The following POLR2B variants were observed in gnomAD, a reference collection of about 807,000 sequenced individuals.
POLR2B encodes the protein RNA polymerase II subunit B.
A neutral mutation model predicts 144.6 loss-of-function variants in POLR2B; 57 were observed. The observed-to-expected ratio is 0.39, with a 90% CI of 0.32 to 0.49. The LOEUF is 0.49. Among genes scored for constraint, POLR2B ranks in the 20% least tolerant of loss-of-function variants. The pLI is 0.83. For missense variants in POLR2B, 595 were observed against 1,467.4 expected (o/e 0.41, Z 9.71); for synonymous variants, 442 against 469.8 (o/e 0.94, Z 0.77).
intron 1 of POLR2B, among the ~76,000 whole-genome samples, chr4:56,984,642 C>T (rs565108293): frequency 5.3e-5 from 8 of 152,258 alleles, no homozygotes; most frequent in Non-Finnish European, 1.0e-4. Context: ...TTATACATAG[C>T]TTTGTCTTTC....
intron 9 of POLR2B, among the ~76,000 whole-genome samples, chr4:57,006,373 C>T (rs1469521076): frequency 2.0e-5 from 3 of 152,124 alleles, no homozygotes; most frequent in Non-Finnish European, 2.9e-5. Context: ...GGTGCCATCT[C>T]GGCTCACTGC....
At chr4:57,021,659 T>G (rs553216798) in intron 17 of POLR2B, among the ~76,000 whole-genome samples, 54 of 151,750 alleles carry the variant, frequency 3.6e-4, no homozygotes, top group East Asian at 1.8e-3. Context: ...AGAGTTTTTT[T>G]TTGTTGTTGT....
chr4:56,994,930 G>GA (rs41560115), intron 5 of POLR2B, 64 bp downstream of exon 5: 8,311 of 725,990 alleles, frequency 0.011, 15 homozygotes, highest in African/African-American at 0.021. Context: ...AAGTTGAAAT[G>GA]AAAAAAAAAA....
intron 7 of POLR2B, among the ~76,000 whole-genome samples, chr4:57,000,684 T>C (rs1351516434): frequency 6.6e-6 from 1 of 151,562 alleles, no homozygotes; most frequent in Non-Finnish European, 1.5e-5. Flanking sequence ...AACATTTTAC[T>C]TAGATACAAT....
At chr4:56,991,455 C>T (rs1288976710) in intron 3 of POLR2B, among the ~76,000 whole-genome samples, 1 of 151,956 alleles carries the variant, frequency 6.6e-6, no homozygotes, top group East Asian at 1.9e-4. Context: ...GGATGTAGTC[C>T]AAAATAATGA....
At chr4:57,000,698 GT>G (rs781134208) in intron 7 of POLR2B, among the ~76,000 whole-genome samples, 7 of 149,964 alleles carry the variant, frequency 4.7e-5, no homozygotes, top group Admixed American at 2.0e-4. Flanking sequence ...ATACAATACT[GT>G]TTTTTTTGGG....
intron 24 of POLR2B, 22 bp downstream of exon 24, chr4:57,030,421 A>C (rs749217903): frequency 9.6e-6 from 15 of 1,555,350 alleles, no homozygotes; most frequent in Non-Finnish European, 1.1e-5. Flanking sequence ...CTTTACTGGC[A>C]GTTGATATTT....
At chr4:57,014,811 C>T in intron 13 of POLR2B, among the ~76,000 whole-genome samples, 1 of 152,094 alleles carries the variant, frequency 6.6e-6, no homozygotes, top group Admixed American at 6.6e-5. Context: ...TCTTTAATAG[C>T]ATATTTTATT....
intron 1 of POLR2B, chr4:56,985,404 G>A: frequency 1.0e-6 from 1 of 985,294 alleles, no homozygotes; most frequent in Non-Finnish European, 1.2e-6. Flanking sequence ...CTGTGGCGAG[G>A]CGGGGATGGC....
intron 16 of POLR2B, among the ~76,000 whole-genome samples, chr4:57,020,362 A>C (rs1018077533): frequency 6.6e-6 from 1 of 152,232 alleles, no homozygotes; most frequent in Middle Eastern, 3.4e-3. Flanking sequence ...GGGCTCATCA[A>C]ACAAAGTGTT....
At position 57,023,946 on chromosome 4, in the gene POLR2B, A is replaced by ATG. The variant is rs747344339; in HGVS notation, c.2857-57_2857-56dup. 45 of 974,332 alleles carry ATG rather than the reference A, an allele frequency of 4.6e-5. No homozygotes were observed. The East Asian group carries it at 4.9e-4, about 11-fold the overall frequency. The allele number at this position is 974,332 out of a possible 1,614,324, so 60.4% of individuals were successfully genotyped here. A position where few individuals can be genotyped will look rare whatever the true frequency, so the allele number is the denominator to read the frequency against. The stretch of plus-strand genomic sequence containing the variant: ...CAGTAATTCAGTTGGGAGAACTGAA[A>ATG]TGTCAGTTCTAGTTTAGTATATGTA... On this transcript the variant is annotated intron_variant, in intron 20 of 24. Transcript: ENST00000314595. This position sits in a 1 kb window ranked among gnomAD's most constrained non-coding sequence, Gnocchi z 4.3.
In POLR2B at chr4:57,031,084, T is replaced by C; in HGVS notation, c.*96T>C. ...ATGACAAATATGTACTGTGTTGTGA[T>C]AAAAAGTATTTTATTTGTTTAATGA... On this transcript the variant is annotated 3_prime_UTR_variant, in exon 25 of 25. Coordinates refer to ENST00000314595, the MANE Select transcript of POLR2B (RefSeq NM_000938.3). 1 of 813,160 alleles carries C rather than the reference T, an allele frequency of 1.2e-6. No homozygotes were observed. Among genetic ancestry groups the C allele is most frequent in the Non-Finnish European group, 2.1e-6 (1 of 480,166 alleles). The allele number at this position is 813,160 out of a possible 1,614,324, so 50.4% of individuals were successfully genotyped here.
Position 57,023,212 on chromosome 4 carries a change from G to T in POLR2B, c.2516-118G>T. 1.2e-6 allele frequency: 1 copy of T among 849,546 alleles called. No homozygotes were observed. The highest frequency in any genetic ancestry group is 1.7e-5 in the African/African-American group (1 of 59,134). The allele number at this position is 849,546 out of a possible 1,614,324, so 52.6% of individuals were successfully genotyped here. A position where few individuals can be genotyped will look rare whatever the true frequency, so the allele number is the denominator to read the frequency against. ...ATAGTTTGTAATATTTGGAATAAGG[G>T]TGTGATTCATGGTATAGAGACTCCT... On this transcript the variant is annotated intron_variant, in intron 18 of 24. Coordinates refer to ENST00000314595, the MANE Select transcript of POLR2B (RefSeq NM_000938.3). This position sits in a 1 kb window ranked among gnomAD's most constrained non-coding sequence, Gnocchi z 4.3.
chr4:57,013,217 T>C (rs1031468092), intron 13 of POLR2B, among the ~76,000 whole-genome samples: 2 of 152,158 alleles, frequency 1.3e-5, no homozygotes, highest in African/African-American at 4.8e-5. Context: ...GCTCAAGCCA[T>C]CTGCCTGCCT....
Position 57,023,730 on chromosome 4 carries a change from T to C in POLR2B, c.2835T>C (p.Cys945=), listed in dbSNP as rs1240522157. ...FASRHGQKGT[C]GIQYRQEDMP... Reference sequence around the variant, plus strand: ...GTCGACATGGTCAAAAGGGTACTTGTGGTATTCAGTATAGACAAGAGGTAG... The same window carrying C: ...GTCGACATGGTCAAAAGGGTACTTGCGGTATTCAGTATAGACAAGAGGTAG... The change falls in exon 20 of 25, where the codon TGT becomes TGC. Residue 945 remains cysteine (C), a synonymous_variant. Transcript: ENST00000314595. This position sits in a 1 kb window ranked among gnomAD's most constrained non-coding sequence, Gnocchi z 4.3. 5 of 1,608,570 alleles carry C rather than the reference T, an allele frequency of 3.1e-6. No individual in the cohort carries two copies. Among genetic ancestry groups the C allele is most frequent in the African/African-American group, 2.7e-5 (2 of 74,914 alleles).
chr4:56,992,429 C>T (rs1386581836), intron 3 of POLR2B, among the ~76,000 whole-genome samples: 8 of 115,570 alleles, frequency 6.9e-5, no homozygotes, highest in South Asian at 3.2e-4. Context: ...CACGCCACTG[C>T]ACTCCAGCCT....
rs778853241 is a variant in POLR2B at position 57,011,075 on chromosome 4, G to A, written c.1775G>A (p.Arg592His). 1.2e-6 allele frequency: 2 copies of A among 1,609,372 alleles called. No homozygotes were observed. Among genetic ancestry groups the A allele is most frequent in the Non-Finnish European group, 1.7e-6 (2 of 1,175,674 alleles). The change falls in exon 13 of 25, where the codon CGT (arginine) becomes CAT (histidine). Residue 592 changes from arginine (R) to histidine (H), a missense_variant. Physicochemically the swap from Arg to His is conservative, Grantham distance 29. Around this residue, in one of 9 missense-constraint regions of POLR2B, gnomAD observed 29 missense variants for 69.3 expected, o/e 0.42. Coordinates refer to ENST00000314595, the MANE Select transcript of POLR2B (RefSeq NM_000938.3). ...QLMNTLRKLR[R>H]QMDIIVSEVS... The stretch of plus-strand genomic sequence containing the variant: ...ATGAACACCCTAAGGAAATTGAGAC[G>A]TCAGATGGACATCATTGTGTCTGAA...
chr4:57,022,444 C>T (rs1723584097), intron 18 of POLR2B, among the ~76,000 whole-genome samples, 198 bp downstream of exon 18: 1 of 152,064 alleles, frequency 6.6e-6, no homozygotes, highest in African/African-American at 2.4e-5. Context: ...AGTCTTTGCA[C>T]CTAGGAGTGA....
chr4:56,992,739 T>A (rs1258875532), intron 3 of POLR2B, among the ~76,000 whole-genome samples: 2 of 151,154 alleles, frequency 1.3e-5, no homozygotes, highest in African/African-American at 4.8e-5. Flanking sequence ...TTTTTTTGTA[T>A]TTTTAGTAGA....
Sources: gnomAD v4.1 joint callset for allele counts (sites outside exome capture counted in the v4.1 genomes callset) on GRCh38, gnomAD v4.1.1 for gene constraint, gnomAD v4.1.1 regional missense constraint, Gnocchi (gnomAD v3.1) non-coding constraint, MANE v1.5 for transcripts, NCBI Gene and HGNC (gene_info 2026-07-23, HGNC 2026-07-21) for gene names.